Variants in RIBC1 observed in about 807,000 individuals in gnomAD.
The protein encoded by RIBC1 is RIB43A-like with coiled-coils protein 1.
In RIBC1, 12 loss-of-function variants were observed where a neutral mutation model predicts 33.7. The observed-to-expected ratio is 0.36, with a 90% CI of 0.23 to 0.58. The LOEUF is 0.58. Ranked by LOEUF, RIBC1 falls within the 20% of genes least tolerant of loss-of-function variation. The pLI is 0.81. For synonymous variants in RIBC1, 89 were observed against 109.0 expected (o/e 0.82, Z 1.14); for missense variants, 242 against 311.6 (o/e 0.78, Z 1.68).
chrX:53,429,071 T>C (rs76421016), intron 5 of RIBC1: 1 of 137,618 alleles, frequency 7.3e-6, no homozygotes, highest in Non-Finnish European at 1.5e-5. Flanking sequence ...ACTTGCACTG[T>C]TCACCCTTCA....
Position 53,422,945 on chromosome X carries a change from A to G in RIBC1, c.-149A>G. On this transcript the variant is annotated 5_prime_UTR_variant, in exon 1 of 8. Coordinates refer to ENST00000375327, the MANE Select transcript of RIBC1 (RefSeq NM_001031745.5). ...GGTTCAAGGAGGCGGGGGAGACCTG[A>G]GCTCACGCTTGCTGAGACAGAAGTC... 3.8e-6 allele frequency: 1 copy of G among 260,960 alleles called. No individual in the cohort carries two copies. The highest frequency in any genetic ancestry group is 7.2e-6 in the Non-Finnish European group (1 of 139,052). 21.5% of individuals were successfully genotyped at this position (260,960 alleles called of 1,213,427 possible).
chrX:53,430,042 C>A, intron 6 of RIBC1, 70 bp downstream of exon 6: 1 of 886,385 alleles, frequency 1.1e-6, no homozygotes, highest in Non-Finnish European at 1.6e-6. Flanking sequence ...GAACCTTAGC[C>A]ATATTCTTCC....
rs1556893220 is a variant in RIBC1 at position 53,426,401 on chromosome X, G to C, written c.117+8G>C. The C allele has an allele frequency of 9.0e-7, 1 of 1,114,436 alleles. No individual in the cohort carries two copies. Among genetic ancestry groups the C allele is most frequent in the African/African-American group, 1.8e-5 (1 of 55,461 alleles). The allele number at this position is 1,114,436 out of a possible 1,213,427, so 91.8% of individuals were successfully genotyped here. On this transcript the variant is annotated splice_region_variant and intron_variant, in intron 3 of 7. Coordinates refer to ENST00000375327, the MANE Select transcript of RIBC1 (RefSeq NM_001031745.5). Reference sequence around the variant, plus strand: ...CGGAACCGAGTCATGGGGGTGAGTGGGTAGTAGGGACTGTTGCTCAGGATC... The same window carrying C: ...CGGAACCGAGTCATGGGGGTGAGTGCGTAGTAGGGACTGTTGCTCAGGATC...
At position 53,428,519 on chromosome X, in the gene RIBC1, G is replaced by A. The variant is rs1297934725; in HGVS notation, c.436G>A (p.Asp146Asn). ...PASLQYFSGE[D>N]LDRDTRLRMQ... ...CAGCCTGCAGTACTTCTCTGGGGAA[G>A]ACCTAGACAGGGACACACGGCTGAG... The change falls in exon 5 of 8, where the codon GAC (aspartate) becomes AAC (asparagine). Residue 146 changes from aspartate (D) to asparagine (N), a missense_variant. Coordinates refer to ENST00000375327, the MANE Select transcript of RIBC1 (RefSeq NM_001031745.5). The A allele has an allele frequency of 2.5e-6, 3 of 1,207,790 alleles. No individual in the cohort carries two copies. The highest frequency in any genetic ancestry group is 3.5e-5 in the African/African-American group (2 of 57,120).
intron 4 of RIBC1, 27 bp downstream of exon 4, chrX:53,428,111 C>T: frequency 8.3e-7 from 1 of 1,202,705 alleles, no homozygotes; most frequent in Non-Finnish European, 1.1e-6. Context: ...AGGGGCCAGA[C>T]AAGGGTGTAA....
chrX:53,427,223 G>A (rs1364510355), intron 3 of RIBC1, among the ~76,000 whole-genome samples: 5 of 112,283 alleles, frequency 4.5e-5, no homozygotes, highest in Non-Finnish European at 7.5e-5. Flanking sequence ...AAAAGACCCC[G>A]TAAGTATTTA....
At position 53,430,951 on chromosome X, in the gene RIBC1, C is replaced by G. The variant is rs1556894367; in HGVS notation, c.1103C>G (p.Ala368Gly). 4 of 1,208,802 alleles carry G rather than the reference C, an allele frequency of 3.3e-6. No individual in the cohort carries two copies. In the African/African-American group the frequency reaches 7.0e-5, roughly 21 times the overall value. ...NSVIYTNQPT[A>G]QYHQQFNTSS... ...GTAATCTACACCAATCAACCTACAG[C>G]CCAGTATCACCAGCAGTTTAACACC... is the stretch of plus-strand genomic sequence containing the variant. Residue 368 changes from alanine to glycine, a missense_variant, in exon 8 of 8, where the codon GCC (alanine) becomes GGC (glycine). By Grantham distance (60) the Ala-to-Gly change is moderately conservative (BLOSUM62 0). Coordinates refer to ENST00000375327, the MANE Select transcript of RIBC1 (RefSeq NM_001031745.5).
intron 2 of RIBC1, among the ~76,000 whole-genome samples, chrX:53,424,657 G>A (rs1006775326): frequency 1.9e-5 from 2 of 106,590 alleles, no homozygotes; most frequent in Non-Finnish European, 3.9e-5. Flanking sequence ...CACCGCGCCC[G>A]GCCAAAAATA....
intron 5 of RIBC1, 101 bp from the exon 6 acceptor site, chrX:53,429,753 C>A: frequency 8.9e-7 from 1 of 1,124,783 alleles, no homozygotes; most frequent in Admixed American, 2.5e-5. Context: ...CCTAAACATT[C>A]GTACACACAC....
At chrX:53,427,299 G>C (rs1350700657) in intron 3 of RIBC1, among the ~76,000 whole-genome samples, 2 of 112,027 alleles carry the variant, frequency 1.8e-5, no homozygotes, top group Non-Finnish European at 3.8e-5. Flanking sequence ...CTGAGCCCCA[G>C]GCTCCTCTTC....
At chrX:53,426,192 T>C in intron 2 of RIBC1, 85 bp from the exon 3 acceptor site, 1 of 595,845 alleles carries the variant, frequency 1.7e-6, no homozygotes, top group South Asian at 2.6e-5. Flanking sequence ...TGCTGAAATA[T>C]TATAGGGAGA....
Position 53,430,726 on chromosome X carries a change from T to C in RIBC1, c.994T>C (p.Cys332Arg), listed in dbSNP as rs782744397. 3.3e-6 allele frequency: 4 copies of C among 1,201,822 alleles called. No individual in the cohort carries two copies. The Admixed American group carries it at 9.0e-5, about 27-fold the overall frequency. The change falls in exon 7 of 8, where the codon TGT becomes CGT. Residue 332 changes from cysteine to arginine, a missense_variant. Coordinates refer to ENST00000375327, the MANE Select transcript of RIBC1 (RefSeq NM_001031745.5). ...GCTAGAAGAGCAGGAGAGGGAATTGTGTGCTGTATTTCAAAGGGGTCTAGG... is the reference window on the plus strand; with the variant it reads ...GCTAGAAGAGCAGGAGAGGGAATTGCGTGCTGTATTTCAAAGGGGTCTAGG... Reference protein sequence around the residue: ...LELEEQERELCAVFQRGLGSF... With the variant: ...LELEEQERELRAVFQRGLGSF...
rs2075804869 is a variant in RIBC1, at chrX:53,428,610, TTGA to T, written c.531_533del (p.Asp177del). ...CAGCAGGAGCAACAGCAAGCCAAGG[TTGA>T]TGAGAATTATACAGGTAAGCAGCCC... On this transcript the variant is annotated inframe_deletion, in exon 5 of 8. Transcript: ENST00000375327. 8.3e-7 allele frequency: 1 copy of T among 1,208,381 alleles called. No homozygotes were observed. The highest frequency in any genetic ancestry group is 1.8e-5 in the African/African-American group (1 of 56,985).
At position 53,426,272 on chromosome X, in the gene RIBC1, T is replaced by G; in HGVS notation, c.1-5T>G. Reference sequence around the variant, plus strand: ...ATGGGCCATTCCACCTCCCTTTTGCTCCAGATGTATAACATAAAACAGTCA... The same window carrying G: ...ATGGGCCATTCCACCTCCCTTTTGCGCCAGATGTATAACATAAAACAGTCA... On this transcript the variant is annotated splice_region_variant and splice_polypyrimidine_tract_variant and intron_variant, in intron 2 of 7. Transcript: ENST00000375327. The G allele has an allele frequency of 1.7e-6, 2 of 1,181,200 alleles. No homozygotes were observed. The highest frequency in any genetic ancestry group is 2.3e-6 in the Non-Finnish European group (2 of 868,189).
chrX:53,430,144 C>T (rs1328144642), intron 6 of RIBC1, among the ~76,000 whole-genome samples, 172 bp downstream of exon 6: 1 of 112,343 alleles, frequency 8.9e-6, no homozygotes, highest in Admixed American at 9.4e-5. Context: ...TCACTTCTCC[C>T]CACCTCCAGA....
rs1300374216 is a variant in RIBC1, at chrX:53,428,494, C to T, written c.411C>T (p.Ala137=). The change falls in exon 5 of 8, where the codon GCC becomes GCT. Residue 137 remains alanine, a synonymous_variant. Coordinates refer to ENST00000375327, the MANE Select transcript of RIBC1 (RefSeq NM_001031745.5). The stretch of plus-strand genomic sequence containing the variant: ...ACAGTAATACCTATCCTGGTCCAGC[C>T]AGCCTGCAGTACTTCTCTGGGGAAG... ...LSYSNTYPGP[A]SLQYFSGEDL... is the part of the protein sequence containing the mutation. 2 of 1,207,588 alleles carry T rather than the reference C, an allele frequency of 1.7e-6. No homozygotes were observed. Among genetic ancestry groups the T allele is most frequent in the Admixed American group, 4.4e-5 (2 of 45,525 alleles).
At chrX:53,423,122 G>A (rs2075770345) in intron 1 of RIBC1, 118 bp downstream of exon 1, 1 of 171,891 alleles carries the variant, frequency 5.8e-6, no homozygotes, top group Non-Finnish European at 1.1e-5. Context: ...GGGGCCAACG[G>A]GAGGATTCAG....
chrX:53,430,934 C>T lies in RIBC1; in HGVS notation c.1086C>T (p.Tyr362=). 3 of 1,211,258 alleles carry T rather than the reference C, an allele frequency of 2.5e-6. No homozygotes were observed. Among genetic ancestry groups the T allele is most frequent in the Non-Finnish European group, 3.4e-6 (3 of 895,192 alleles). Residue 362 remains tyrosine, a synonymous_variant, in exon 8 of 8, where the codon TAC becomes TAT. Coordinates refer to ENST00000375327, the MANE Select transcript of RIBC1 (RefSeq NM_001031745.5). ...AGGATTACCTGAATTCAGTAATCTACACCAATCAACCTACAGCCCAGTATC... is the reference window on the plus strand; with the variant it reads ...AGGATTACCTGAATTCAGTAATCTATACCAATCAACCTACAGCCCAGTATC... ...AQQDYLNSVI[Y]TNQPTAQYHQ...
chrX:53,426,244 C>T (rs919557948), intron 2 of RIBC1, 33 bp from the exon 3 acceptor site: 3 of 1,004,484 alleles, frequency 3.0e-6, no homozygotes, highest in Admixed American at 4.4e-5. Context: ...GTGGTCGGCA[C>T]TGATGGGCCA....
Sources: allele counts gnomAD v4.1 joint callset (sites outside exome capture counted in the v4.1 genomes callset), GRCh38; gene constraint gnomAD v4.1.1; transcripts MANE v1.5; gene names NCBI Gene and HGNC (gene_info 2026-07-23, HGNC 2026-07-21).